Variants in LRFN5 observed in about 807,000 individuals in gnomAD.
LRFN5 encodes the protein leucine rich repeat and fibronectin type III domain containing 5.
In LRFN5, 24 loss-of-function variants were observed where a neutral mutation model predicts 45.6. The observed-to-expected ratio is 0.53, with a 90% CI of 0.38 to 0.74. LRFN5 has a LOEUF of 0.74. Among genes scored for constraint, LRFN5 ranks in the 30% least tolerant of loss-of-function variants. The pLI, the probability that LRFN5 is intolerant of heterozygous loss-of-function variation, is 0.00. For missense variants in LRFN5, 776 were observed against 861.5 expected (o/e 0.90, Z 1.24); for synonymous variants, 340 against 313.8 (o/e 1.08, Z -0.88).
chr14:41,702,259 A>C (rs940804095), intron 1 of LRFN5, among the ~76,000 whole-genome samples: 34 of 152,316 alleles, frequency 2.2e-4, no homozygotes, highest in African/African-American at 7.9e-4. Context: ...AGAGAAGTTA[A>C]GTAGCTTGCT....
At chr14:41,617,844 T>C (rs956274655) in intron 1 of LRFN5, among the ~76,000 whole-genome samples, 1 of 152,164 alleles carries the variant, frequency 6.6e-6, no homozygotes, top group Non-Finnish European at 1.5e-5. Flanking sequence ...TGTTTCCTAG[T>C]GCAAAGAATC....
intron 1 of LRFN5, among the ~76,000 whole-genome samples, chr14:41,689,118 AATGATG>A (rs911108946): frequency 6.6e-6 from 1 of 151,702 alleles, no homozygotes; most frequent in Non-Finnish European, 1.5e-5. Context: ...ATAAATAATA[AATGATG>A]ATGATAATGA....
At chr14:41,888,317 A>T (rs1167711860) in intron 3 of LRFN5, among the ~76,000 whole-genome samples, 1 of 152,180 alleles carries the variant, frequency 6.6e-6, no homozygotes, top group Non-Finnish European at 1.5e-5. Context: ...ACCAGAACTT[A>T]CACACACATG....
intron 5 of LRFN5, among the ~76,000 whole-genome samples, chr14:41,903,927 G>C (rs1891172593): frequency 6.6e-6 from 1 of 151,816 alleles, no homozygotes; most frequent in Non-Finnish European, 1.5e-5. Flanking sequence ...AAAAAAATAA[G>C]ATACTTTTAT....
intron 1 of LRFN5, among the ~76,000 whole-genome samples, chr14:41,610,672 A>AAAAAAAAAAAAAAAAAAAAAAAAAAG (rs1887717850): frequency 6.7e-6 from 1 of 148,188 alleles, no homozygotes; most frequent in Non-Finnish European, 1.5e-5. Flanking sequence ...AAAAAAAAAA[A>AAAAAAAAAAAAAAAAAAAAAAAAAAG]AAAAAAAAAA....
intron 1 of LRFN5, among the ~76,000 whole-genome samples, chr14:41,739,140 C>G (rs1041754587): frequency 6.6e-6 from 1 of 152,124 alleles, no homozygotes; most frequent in Non-Finnish European, 1.5e-5. Flanking sequence ...AATCCCAGCA[C>G]TTTGGGAGGC....
At chr14:41,764,584 G>C (rs1885801618) in intron 1 of LRFN5, among the ~76,000 whole-genome samples, 1 of 151,972 alleles carries the variant, frequency 6.6e-6, no homozygotes, top group Non-Finnish European at 1.5e-5. Flanking sequence ...GTTTTAGGGG[G>C]AGTTAGGATG....
chr14:41,821,421 T>G (rs573889668), intron 2 of LRFN5, among the ~76,000 whole-genome samples: 8 of 152,164 alleles, frequency 5.3e-5, no homozygotes, highest in South Asian at 2.1e-4. Flanking sequence ...TTTAATTATG[T>G]TTATGGGTTG....
chr14:41,798,536 C>A (rs912964751), intron 2 of LRFN5, among the ~76,000 whole-genome samples: 1 of 151,948 alleles, frequency 6.6e-6, no homozygotes, highest in African/African-American at 2.4e-5. Flanking sequence ...ATAGAGCTGG[C>A]AGAGAAAGAC....
intron 1 of LRFN5, among the ~76,000 whole-genome samples, chr14:41,696,986 T>G (rs1882640508): frequency 6.6e-6 from 1 of 152,038 alleles, no homozygotes; most frequent in African/African-American, 2.4e-5. Context: ...ATTCAACATA[T>G]TAATACTGTG....
intron 2 of LRFN5, among the ~76,000 whole-genome samples, chr14:41,864,738 T>C (rs1194841062): frequency 6.6e-6 from 1 of 152,160 alleles, no homozygotes; most frequent in Admixed American, 6.5e-5. Flanking sequence ...TATTTTTGTT[T>C]ACATATACTA....
intron 2 of LRFN5, among the ~76,000 whole-genome samples, chr14:41,803,780 C>T (rs919666178): frequency 6.6e-6 from 1 of 152,110 alleles, no homozygotes; most frequent in South Asian, 2.1e-4. Flanking sequence ...CCAGATAGAG[C>T]TGATTTATCA....
At chr14:41,760,893 G>A (rs931417600) in intron 1 of LRFN5, among the ~76,000 whole-genome samples, 1 of 152,092 alleles carries the variant, frequency 6.6e-6, no homozygotes, top group Non-Finnish European at 1.5e-5. Flanking sequence ...CTAACACGGA[G>A]ATTTGCTATT....
intron 2 of LRFN5, among the ~76,000 whole-genome samples, chr14:41,815,015 C>T (rs1887868510): frequency 6.6e-6 from 1 of 152,000 alleles, no homozygotes; most frequent in Non-Finnish European, 1.5e-5. Flanking sequence ...AAGTCTATTC[C>T]AATAATAACA....
chr14:41,660,550 G>A (rs1880600359), intron 1 of LRFN5, among the ~76,000 whole-genome samples: 1 of 145,096 alleles, frequency 6.9e-6, no homozygotes, highest in Non-Finnish European at 1.5e-5. Flanking sequence ...GCTTGCAGAG[G>A]ATTTTAAAGA....
At chr14:41,615,680 T>C (rs964219153) in intron 1 of LRFN5, among the ~76,000 whole-genome samples, 3 of 152,142 alleles carry the variant, frequency 2.0e-5, no homozygotes, top group African/African-American at 7.2e-5. Context: ...GCTGTAACTC[T>C]CCAGCCGGCA....
At chr14:41,822,850 G>GTTTT (rs1296770505) in intron 2 of LRFN5, among the ~76,000 whole-genome samples, 8 of 70,422 alleles carry the variant, frequency 1.1e-4, no homozygotes, top group Admixed American at 6.1e-4. Flanking sequence ...TATATTTAGG[G>GTTTT]TTGTTTTTTT....
intron 2 of LRFN5, among the ~76,000 whole-genome samples, chr14:41,799,156 G>A (rs944194672): frequency 1.3e-5 from 2 of 151,954 alleles, no homozygotes; most frequent in South Asian, 2.1e-4. Flanking sequence ...CTTAGCTCAC[G>A]GGTAAGTGCA....
chr14:41,612,013 A>T (rs759628148), intron 1 of LRFN5, among the ~76,000 whole-genome samples: 1 of 152,042 alleles, frequency 6.6e-6, no homozygotes, highest in Non-Finnish European at 1.5e-5. Flanking sequence ...ATCATGTTTT[A>T]TCACTCTTTC....
Sources: gnomAD v4.1 joint callset for allele counts (sites outside exome capture counted in the v4.1 genomes callset) on GRCh38, gnomAD v4.1.1 for gene constraint, MANE v1.5 for transcripts, NCBI Gene and HGNC (gene_info 2026-07-23, HGNC 2026-07-21) for gene names.